The following CRAMP1 variants were observed in gnomAD, a reference collection of about 807,000 sequenced individuals.
CRAMP1 encodes cramped chromatin regulator 1.
CRAMP1 carries 50 observed loss-of-function variants against 115.4 expected under a neutral mutation model. The ratio of observed to expected loss-of-function variants is 0.43; its 90% CI spans 0.35 to 0.55. The LOEUF (loss-of-function observed/expected upper bound fraction) is 0.55. Among genes scored for constraint, CRAMP1 ranks in the 20% least tolerant of loss-of-function variants. CRAMP1 has a pLI of 0.01. For synonymous variants in CRAMP1, 866 were observed against 745.4 expected, an observed-to-expected ratio of 1.16 and a Z score of -2.64; for missense variants, 1,679 against 1,721.7, an observed-to-expected ratio of 0.98 and a Z score of 0.44.
At chr16:1,626,467 A>G (rs1204477071) in intron 3 of CRAMP1, among the ~76,000 whole-genome samples, 1 of 151,866 alleles carries the variant, frequency 6.6e-6, no homozygotes, top group Non-Finnish European at 1.5e-5. Context: ...TTCTTGACTG[A>G]AGGCCCTCTT....
At chr16:1,637,971 G>T in intron 5 of CRAMP1, 64 bp downstream of exon 5, 1 of 744,728 alleles carries the variant, frequency 1.3e-6, no homozygotes. Flanking sequence ...TTGGGCTTTA[G>T]TGCTCAGAGT....
chr16:1,637,727 T>G (rs909831763), intron 4 of CRAMP1, 97 bp from the exon 5 acceptor site: 3 of 514,772 alleles, frequency 5.8e-6, no homozygotes, highest in South Asian at 7.1e-5. Flanking sequence ...AGGGAGGAGA[T>G]CCAAGAAACC....
chr16:1,621,667 G>A (rs905181124), intron 2 of CRAMP1, among the ~76,000 whole-genome samples: 10 of 152,166 alleles, frequency 6.6e-5, no homozygotes. Context: ...CACTTGCTGT[G>A]TGTGAGGCCT....
rs1037999285 is a variant in CRAMP1 at position 1,624,445 on chromosome 16, G to A, written c.347-1528G>A. Among the ~76,000 whole-genome samples, 6 of 149,962 alleles carry A rather than the reference G, an allele frequency of 4.0e-5. No individual in the cohort carries two copies. The East Asian group carries it at 5.8e-4, about 15-fold the overall frequency. On this transcript the variant is annotated intron_variant, in intron 2 of 20. Transcript: ENST00000397412. Reference sequence around the variant, plus strand: ...TTTTTTTTTTTGGAGACAGGGTCTCGCTCTGCCATCCAGGCTGGAGTGCAG... The same window carrying A: ...TTTTTTTTTTTGGAGACAGGGTCTCACTCTGCCATCCAGGCTGGAGTGCAG...
In CRAMP1 at chr16:1,666,587, T is replaced by A. The variant is rs1326049053; in HGVS notation, c.3023T>A (p.Leu1008His). ...STGTHQDGDT[L>H]PTVGGSDPFV... ...GGAACTCACCAGGATGGAGACACCC[T>A]CCCCACCGTGGGGGTGAGTATGTTT... The change falls in exon 16 of 21, where the codon CTC becomes CAC. Residue 1008 changes from leucine to histidine, a missense_variant. Around this residue, in one of 8 missense-constraint regions of CRAMP1, gnomAD observed 709 missense variants for 741.9 expected, o/e 0.96. Coordinates refer to ENST00000397412, the MANE Select transcript of CRAMP1 (RefSeq NM_020825.4). This position sits in a 1 kb window ranked among gnomAD's most constrained non-coding sequence, Gnocchi z 5.0. 1.2e-6 allele frequency: 2 copies of A among 1,613,648 alleles called. No individual in the cohort carries two copies. Among genetic ancestry groups the A allele is most frequent in the Non-Finnish European group, 1.7e-6 (2 of 1,179,790 alleles).
intron 8 of CRAMP1, 135 bp from the exon 9 acceptor site, chr16:1,655,084 G>GC: frequency 1.4e-6 from 1 of 700,142 alleles, no homozygotes. Context: ...CCCTGCAGAC[G>GC]CCCGCTCCCG....
chr16:1,660,082 C>T lies in CRAMP1; in HGVS notation c.2413+19C>T. The T allele has an allele frequency of 6.6e-7, 1 of 1,525,270 alleles. No individual in the cohort carries two copies. The allele number at this position is 1,525,270 out of a possible 1,614,324, so 94.5% of individuals were successfully genotyped here. A position where few individuals can be genotyped will look rare whatever the true frequency, so the allele number is the denominator to read the frequency against. ...TCCTCAGGTGAGGCTGTGGCAGCCA[C>T]ACTCCTTGTGCCTGGGCTGCCCTGA... On this transcript the variant is annotated intron_variant, in intron 11 of 20. Coordinates refer to ENST00000397412, the MANE Select transcript of CRAMP1 (RefSeq NM_020825.4).
In CRAMP1 at chr16:1,677,860, A is replaced by C. The variant is rs2036983785; in HGVS notation, c.*3815A>C. On this transcript the variant is annotated 3_prime_UTR_variant, in exon 21 of 21. Transcript: ENST00000397412. Reference sequence around the variant, plus strand: ...AACTTCTGTTTAAATTTCCAGTTCAACTTGTAAATGTTTTTATTGTGCATA... The same window carrying C: ...AACTTCTGTTTAAATTTCCAGTTCACCTTGTAAATGTTTTTATTGTGCATA... 1 of 155,864 alleles carries C rather than the reference A, an allele frequency of 6.4e-6. No homozygotes were observed. The highest frequency in any genetic ancestry group is 1.9e-4 in the East Asian group (1 of 5,356). 9.7% of individuals were successfully genotyped at this position (155,864 alleles called of 1,614,324 possible).
chr16:1,677,585 C>G lies in CRAMP1; in HGVS notation c.*3540C>G, dbSNP rs1346023160. 6.5e-6 allele frequency: 1 copy of G among 152,680 alleles called. No homozygotes were observed. The highest frequency in any genetic ancestry group is 2.4e-5 in the African/African-American group (1 of 41,460). The allele number at this position is 152,680 out of a possible 1,614,324, so 9.5% of individuals were successfully genotyped here. ...GTGGGTGAGGTGTGGGGAGCCCAGC[C>G]CCTGGCCCTGCCTCCCGCGCCCCGC... On this transcript the variant is annotated 3_prime_UTR_variant, in exon 21 of 21. Transcript: ENST00000397412.
Position 1,656,564 on chromosome 16 carries a change from G to A in CRAMP1, c.1807G>A (p.Val603Ile), listed in dbSNP as rs777091430. The change falls in exon 10 of 21, where the codon GTC becomes ATC. Residue 603 changes from valine to isoleucine, a missense_variant. Coordinates refer to ENST00000397412, the MANE Select transcript of CRAMP1 (RefSeq NM_020825.4). The surrounding 1 kb of genome is among the most constrained non-coding windows in gnomAD (Gnocchi z 5.6). ...GGCCTCCCCAGAGGTGCTGGCTCCT[G>A]TCAGCAAGGAGGCTGCTGACCTTGC... ...GAASPEVLAP[V>I]SKEAADLAPT... 9 of 1,557,336 alleles carry A rather than the reference G, an allele frequency of 5.8e-6. No homozygotes were observed. In the East Asian group the frequency reaches 1.9e-4, roughly 33 times the overall value.
chr16:1,646,342 G>C (rs558885860), intron 6 of CRAMP1, among the ~76,000 whole-genome samples: 6 of 152,158 alleles, frequency 3.9e-5, no homozygotes, highest in African/African-American at 7.2e-5. Context: ...GAGAGTTGCA[G>C]TTGCTTCCCA....
intron 7 of CRAMP1, 60 bp from the exon 8 acceptor site, chr16:1,652,973 C>G (rs2036737565): frequency 1.9e-6 from 3 of 1,601,920 alleles, no homozygotes; most frequent in Non-Finnish European, 1.7e-6. Context: ...TGGCCCAGCC[C>G]TTGGTTTTCT....
chr16:1,629,694 G>A (rs569081679), intron 3 of CRAMP1, among the ~76,000 whole-genome samples: 13 of 152,318 alleles, frequency 8.5e-5, no homozygotes, highest in East Asian at 1.9e-4. Context: ...CCCAGGGAGC[G>A]TGGGGAGGGC....
At chr16:1,651,617 T>C (rs1169968543) in intron 6 of CRAMP1, among the ~76,000 whole-genome samples, 2 of 132,708 alleles carry the variant, frequency 1.5e-5, no homozygotes, top group Non-Finnish European at 3.1e-5. Context: ...CATGGGGAGG[T>C]GGACTGAGAG....
In CRAMP1 at chr16:1,635,831, A is replaced by G. The variant is rs557567254; in HGVS notation, c.695-1993A>G. Reference sequence around the variant, plus strand: ...CTGTGCCCCGGTGCTGGGAGCCCTCAGTTTACTACCTCCTGTCTCTATGGA... The same window carrying G: ...CTGTGCCCCGGTGCTGGGAGCCCTCGGTTTACTACCTCCTGTCTCTATGGA... On this transcript the variant is annotated intron_variant, in intron 4 of 20. Transcript: ENST00000397412. Among the ~76,000 whole-genome samples the G allele has an allele frequency of 1.9e-3, 284 of 152,296 alleles. 3 individuals are homozygous for G. Among genetic ancestry groups the G allele is most frequent in the African/African-American group, 6.5e-3 (272 of 41,564 alleles).
intron 2 of CRAMP1, among the ~76,000 whole-genome samples, chr16:1,619,281 A>G (rs1206198835): frequency 3.9e-5 from 6 of 152,192 alleles, no homozygotes; most frequent in Admixed American, 6.5e-5. Context: ...CACAGGTTCA[A>G]GCAATTCTCC....
rs1171170777 is a variant in CRAMP1, at chr16:1,675,034, TAC to T, written c.*990_*991del. The T allele has an allele frequency of 1.3e-5, 2 of 152,218 alleles. No homozygotes were observed. The highest frequency in any genetic ancestry group is 6.5e-5 in the Admixed American group (1 of 15,284). The allele number at this position is 152,218 out of a possible 1,614,324, so 9.4% of individuals were successfully genotyped here. A position where few individuals can be genotyped will look rare whatever the true frequency, so the allele number is the denominator to read the frequency against. On this transcript the variant is annotated 3_prime_UTR_variant, in exon 21 of 21. Coordinates refer to ENST00000397412, the MANE Select transcript of CRAMP1 (RefSeq NM_020825.4). ...GGCATTGGTGTGGGCGTGCCTGACATACGTGTTCAGTCCCTTGCATACCTTTG... is the reference window on the plus strand; with the variant it reads ...GGCATTGGTGTGGGCGTGCCTGACATGTGTTCAGTCCCTTGCATACCTTTG...
chr16:1,653,165 G>A lies in CRAMP1; in HGVS notation c.1037+9G>A, dbSNP rs762623656. ...CAGAACCCACGCCTCAGGTAACATG[G>A]CCCTTGGCACGCAGAGGGGTCCCAA... On this transcript the variant is annotated intron_variant, in intron 8 of 20. Transcript: ENST00000397412. 2 of 1,605,946 alleles carry A rather than the reference G, an allele frequency of 1.2e-6. No individual in the cohort carries two copies. The highest frequency in any genetic ancestry group is 8.5e-7 in the Non-Finnish European group (1 of 1,176,380).
At chr16:1,649,018 C>T (rs2036700403) in intron 6 of CRAMP1, among the ~76,000 whole-genome samples, 1 of 151,598 alleles carries the variant, frequency 6.6e-6, no homozygotes, top group African/African-American at 2.4e-5. Flanking sequence ...GAGATCATGC[C>T]ACTGCAGTCC....
Sources: allele counts gnomAD v4.1 joint callset (sites outside exome capture counted in the v4.1 genomes callset), GRCh38; gene constraint gnomAD v4.1.1; regional missense constraint gnomAD v4.1.1; non-coding constraint Gnocchi (gnomAD v3.1); transcripts MANE v1.5; gene names NCBI Gene and HGNC (gene_info 2026-07-23, HGNC 2026-07-21).